PIGZ: variants seen among roughly 807,000 people sequenced by gnomAD.
PIGZ encodes the protein GPI alpha-1,2-mannosyltransferase 4.
In PIGZ, 16 loss-of-function variants were observed where a neutral mutation model predicts 16.4. That is an observed-to-expected ratio of 0.97 (90% CI 0.66 to 1.48). The LOEUF (loss-of-function observed/expected upper bound fraction) is 1.48, where lower values mean the gene tolerates loss of function less well. PIGZ is among the 40% of genes most tolerant of loss of function. The pLI, the probability that PIGZ is intolerant of heterozygous loss-of-function variation, is 0.00. For synonymous variants in PIGZ, 409 were observed against 338.4 expected (o/e 1.21, Z -2.29); for missense variants, 770 against 739.2 (o/e 1.04, Z -0.48).
chr3:196,949,910 G>T (rs1024469990), intron 2 of PIGZ, among the ~76,000 whole-genome samples: 2 of 152,118 alleles, frequency 1.3e-5, no homozygotes, highest in African/African-American at 2.4e-5. Flanking sequence ...TCAGGAGATG[G>T]GGGGAGAGAA....
chr3:196,957,710 G>A (rs67220754), intron 1 of PIGZ, among the ~76,000 whole-genome samples: 31,755 of 152,038 alleles, frequency 0.21, 3,410 homozygotes, highest in Middle Eastern at 0.3. Context: ...CTTTATATTA[G>A]AACGTGGCCC....
Position 196,947,040 on chromosome 3 carries a change from G to A in PIGZ, c.*117C>T. The A allele has an allele frequency of 3.5e-6, 3 of 853,358 alleles. No individual in the cohort carries two copies. The highest frequency in any genetic ancestry group is 5.3e-6 in the Non-Finnish European group (3 of 563,776). The allele number at this position is 853,358 out of a possible 1,614,324, so 52.9% of individuals were successfully genotyped here. On this transcript the variant is annotated 3_prime_UTR_variant, in exon 3 of 3. Transcript: ENST00000412723. The stretch of plus-strand genomic sequence containing the variant: ...AGCCATGCCCAGGAGAGGCAGCAGT[G>A]GGAGTCATGAAGGAGGACGGGGTCC...
In PIGZ at chr3:196,947,915, C is replaced by G; in HGVS notation, c.982G>C (p.Val328Leu). ...LAVNGFLLFG[V>L]LHAQALQAAW... is the part of the protein sequence containing the mutation. The stretch of plus-strand genomic sequence containing the variant: ...GCCTGCAGGGCCTGGGCATGCAGCA[C>G]CCCGAAGAGCAGGAAGCCGTTGACT... The change falls in exon 3 of 3, where the codon GTG becomes CTG. Residue 328 changes from valine to leucine, a missense_variant. Coordinates refer to ENST00000412723, the MANE Select transcript of PIGZ (RefSeq NM_025163.4). 1 of 1,613,942 alleles carries G rather than the reference C, an allele frequency of 6.2e-7. No individual in the cohort carries two copies. Among genetic ancestry groups the G allele is most frequent in the South Asian group, 1.1e-5 (1 of 91,074 alleles).
intron 2 of PIGZ, among the ~76,000 whole-genome samples, chr3:196,950,260 C>A (rs1338889039): frequency 6.6e-6 from 1 of 152,184 alleles, no homozygotes; most frequent in African/African-American, 2.4e-5. Flanking sequence ...GCTGGGATTA[C>A]AGGCGTGAGC....
In PIGZ at chr3:196,964,739, C is replaced by G. The variant is rs1451619682; in HGVS notation, c.-1+3948G>C. 2.6e-5 allele frequency among the ~76,000 whole-genome samples: 4 copies of G among 151,824 alleles called. No individual in the cohort carries two copies. In the East Asian group the frequency reaches 7.7e-4, roughly 29 times the overall value. On this transcript the variant is annotated intron_variant, in intron 1 of 2. Transcript: ENST00000412723. ...ATTATGGGAAGTCTATAACCCTATC[C>G]TTTTTTTTGTTTTTTAAGACAGGGT... is the stretch of plus-strand genomic sequence containing the variant.
chr3:196,958,306 T>C (rs1717578679), intron 1 of PIGZ, among the ~76,000 whole-genome samples: 2 of 151,486 alleles, frequency 1.3e-5, no homozygotes, highest in Admixed American at 6.6e-5. Context: ...AAAGGGAAAA[T>C]GGAAATTACA....
chr3:196,953,947 C>T (rs1717384829), intron 1 of PIGZ, among the ~76,000 whole-genome samples: 1 of 151,596 alleles, frequency 6.6e-6, no homozygotes, highest in Non-Finnish European at 1.5e-5. Flanking sequence ...GAGCTATGAT[C>T]ACACTACTGC....
chr3:196,947,169 C>T lies in PIGZ; in HGVS notation c.1728G>A (p.Gly576=). 6.4e-7 allele frequency: 1 copy of T among 1,550,530 alleles called. No homozygotes were observed. The highest frequency in any genetic ancestry group is 1.2e-5 in the South Asian group (1 of 80,242). The change falls in exon 3 of 3, where the codon GGG becomes GGA. Residue 576 remains glycine (G), a synonymous_variant. Coordinates refer to ENST00000412723, the MANE Select transcript of PIGZ (RefSeq NM_025163.4). ...CTCTGTCATATTGTCAGGTTTCTTC[C>T]CCCAGCTCCACAATGTGAAGACTGA... ...DHLSLHIVEL[G]EET is the part of the protein sequence containing the mutation.
rs569675139 is a variant in PIGZ, at chr3:196,957,399, C to A, written c.1-5368G>T. On this transcript the variant is annotated intron_variant, in intron 1 of 2. Coordinates refer to ENST00000412723, the MANE Select transcript of PIGZ (RefSeq NM_025163.4). ...TTTCTTCCTTTTTTTTTTTTTCTTT[C>A]CGAGACAGAGTCTTGCTCTGTCACC... Among the ~76,000 whole-genome samples, 551 of 132,958 alleles carry A rather than the reference C, an allele frequency of 4.1e-3. 2 individuals are homozygous for A. Among genetic ancestry groups the A allele is most frequent in the African/African-American group, 0.014 (505 of 35,196 alleles). 87.2% of individuals were successfully genotyped at this position (132,958 alleles called of 152,430 possible).
At chr3:196,963,405 C>G (rs1236773790) in intron 1 of PIGZ, among the ~76,000 whole-genome samples, 1 of 152,228 alleles carries the variant, frequency 6.6e-6, no homozygotes, top group African/African-American at 2.4e-5. Flanking sequence ...TATCATTTTA[C>G]ATTCCCACCA....
intron 1 of PIGZ, among the ~76,000 whole-genome samples, chr3:196,957,766 C>G (rs145301808): frequency 6.6e-6 from 1 of 152,138 alleles, no homozygotes; most frequent in Non-Finnish European, 1.5e-5. Context: ...GGCTTCCCTC[C>G]GGGTGGGCAG....
chr3:196,946,822 T>G lies in PIGZ; in HGVS notation c.*335A>C. On this transcript the variant is annotated 3_prime_UTR_variant, in exon 3 of 3. Coordinates refer to ENST00000412723, the MANE Select transcript of PIGZ (RefSeq NM_025163.4). ...GGTCATTGAGGAATGTCACTAGCAG[T>G]TCATTGTCTTTTTTCACAACCAGGT... 1 of 233,524 alleles carries G rather than the reference T, an allele frequency of 4.3e-6. No individual in the cohort carries two copies. The allele number at this position is 233,524 out of a possible 1,614,324, so 14.5% of individuals were successfully genotyped here. A position where few individuals can be genotyped will look rare whatever the true frequency, so the allele number is the denominator to read the frequency against.
rs200901195 is a variant in PIGZ at position 196,948,574 on chromosome 3, C to T, written c.323G>A (p.Arg108Lys). The change falls in exon 3 of 3, where the codon AGG (arginine) becomes AAG (lysine). Residue 108 changes from arginine to lysine, a missense_variant. By Grantham distance (26) the Arg-to-Lys change is conservative. Coordinates refer to ENST00000412723, the MANE Select transcript of PIGZ (RefSeq NM_025163.4). ...CCACGGCCCCAGCTCCTCCCAGAGC[C>T]TGAGCAGCCAGAAGGTGGAACCAGA... ...LISGSTFWLL[R>K]LWEELGPWPG... The T allele has an allele frequency of 6.1e-5, 97 of 1,591,434 alleles. No homozygotes were observed. Among genetic ancestry groups the T allele is most frequent in the Non-Finnish European group, 7.6e-5 (89 of 1,169,996 alleles).
At chr3:196,948,942 C>CT (rs1560181116) in intron 2 of PIGZ, among the ~76,000 whole-genome samples, 1 of 21,806 alleles carries the variant, frequency 4.6e-5, no homozygotes, top group African/African-American at 3.0e-4. Flanking sequence ...TACTTCCCTT[C>CT]CTTCCCCTCC....
At chr3:196,967,348 G>A (rs926028641) in intron 1 of PIGZ, among the ~76,000 whole-genome samples, 1 of 152,172 alleles carries the variant, frequency 6.6e-6, no homozygotes, top group African/African-American at 2.4e-5. Context: ...GGGCCATCAG[G>A]TGTGGCTCAT....
intron 1 of PIGZ, among the ~76,000 whole-genome samples, chr3:196,967,580 G>T (rs1289386911): frequency 2.0e-5 from 3 of 152,142 alleles, no homozygotes; most frequent in African/African-American, 7.2e-5. Flanking sequence ...CCAGTCCTCG[G>T]GGTCTACTCC....
intron 1 of PIGZ, among the ~76,000 whole-genome samples, chr3:196,959,828 T>C (rs565233518): frequency 2.9e-4 from 44 of 152,330 alleles, no homozygotes; most frequent in Non-Finnish European, 7.4e-5. Context: ...TATTCCTAGC[T>C]CCTTCTAGGG....
chr3:196,949,327 C>A (rs1489416058), intron 2 of PIGZ, among the ~76,000 whole-genome samples: 2 of 152,082 alleles, frequency 1.3e-5, no homozygotes, highest in African/African-American at 2.4e-5. Flanking sequence ...TCACAACAAT[C>A]TTTTAATAAC....
intron 1 of PIGZ, among the ~76,000 whole-genome samples, chr3:196,966,834 C>T (rs1717948131): frequency 6.6e-6 from 1 of 152,192 alleles, no homozygotes; most frequent in Admixed American, 6.5e-5. Context: ...TCAGAGGGAT[C>T]TGTCCGGGTG....
Sources: gnomAD v4.1 joint callset for allele counts (sites outside exome capture counted in the v4.1 genomes callset) on GRCh38, gnomAD v4.1.1 for gene constraint, MANE v1.5 for transcripts, NCBI Gene and HGNC (gene_info 2026-07-23, HGNC 2026-07-21) for gene names.